CIB2: variants seen among roughly 807,000 people sequenced by gnomAD.
CIB2 encodes calcium and integrin binding family member 2.
CIB2 carries 19 observed loss-of-function variants against 23.1 expected under a neutral mutation model. The ratio of observed to expected loss-of-function variants is 0.82; its 90% CI spans 0.57 to 1.21. The LOEUF (loss-of-function observed/expected upper bound fraction) is 1.21. CIB2 is among the 50% of genes most tolerant of loss of function. The pLI, the probability that CIB2 is intolerant of heterozygous loss-of-function variation, is 0.00. For missense variants in CIB2, 220 were observed against 241.5 expected, an observed-to-expected ratio of 0.91 and a Z score of 0.59; for synonymous variants, 94 against 91.7, an observed-to-expected ratio of 1.03 and a Z score of -0.14.
rs2074052701 is a variant in CIB2 at position 78,105,484 on chromosome 15, G to A, written c.543-152C>T. 3 of 1,516,074 alleles carry A rather than the reference G, an allele frequency of 2.0e-6. No homozygotes were observed. The South Asian group carries it at 3.8e-5, about 19-fold the overall frequency. 93.9% of individuals were successfully genotyped at this position (1,516,074 alleles called of 1,614,324 possible). A position where few individuals can be genotyped will look rare whatever the true frequency, so the allele number is the denominator to read the frequency against. On this transcript the variant is annotated intron_variant, in intron 5 of 5. Transcript: ENST00000258930. ...GTGGATGCAGGTAATCAACACTGGG[G>A]GAAGACGGAGGAACAGCGGTGCCCA...
In CIB2 at chr15:78,105,340, G is replaced by A. The variant is rs762872854; in HGVS notation, c.543-8C>T. 1.2e-5 allele frequency: 20 copies of A among 1,613,862 alleles called. No individual in the cohort carries two copies. The highest frequency in any genetic ancestry group is 1.7e-5 in the Non-Finnish European group (20 of 1,179,932). Reference sequence around the variant, plus strand: ...ATCCGGATGTGGAAAGTGCTAGAAAGAGAGAAAGGGCAAGAGAGGGTGAGA... The same window carrying A: ...ATCCGGATGTGGAAAGTGCTAGAAAAAGAGAAAGGGCAAGAGAGGGTGAGA... On this transcript the variant is annotated splice_region_variant and splice_polypyrimidine_tract_variant and intron_variant, in intron 5 of 5. Transcript: ENST00000258930.
chr15:78,130,600 AGGCTGCTACCG>A (rs2141924832), intron 1 of CIB2, among the ~76,000 whole-genome samples: 1 of 152,224 alleles, frequency 6.6e-6, no homozygotes, highest in South Asian at 2.1e-4. Context: ...TGGCCCTGGA[AGGCTGCTACCG>A]GGCTTGCGTT....
intron 2 of CIB2, among the ~76,000 whole-genome samples, chr15:78,123,243 G>A (rs1459557416): frequency 6.6e-6 from 1 of 152,106 alleles, no homozygotes; most frequent in Non-Finnish European, 1.5e-5. Context: ...GAGCCAAAGG[G>A]CCCTTAGGGA....
At chr15:78,120,592 AGGGT>A in intron 2 of CIB2, 2 of 982,740 alleles carry the variant, frequency 2.0e-6, no homozygotes, top group Non-Finnish European at 2.4e-6. Flanking sequence ...GTGACTGAAT[AGGGT>A]GGGCTGCCCA....
intron 2 of CIB2, chr15:78,120,693 T>C (rs1401242684): frequency 5.1e-6 from 5 of 985,286 alleles, no homozygotes; most frequent in Non-Finnish European, 6.0e-6. Flanking sequence ...GGAAGGAGAA[T>C]TGGAGGCGGG....
chr15:78,111,583 T>C (rs1304210098), intron 2 of CIB2, among the ~76,000 whole-genome samples: 1 of 152,184 alleles, frequency 6.6e-6, no homozygotes, highest in Non-Finnish European at 1.5e-5. Flanking sequence ...TTTTCTCCTT[T>C]GGGCTCTCAT....
At position 78,110,104 on chromosome 15, in the gene CIB2, G is replaced by A. The variant is rs150638886; in HGVS notation, c.199-722C>T. Among the ~76,000 whole-genome samples, 404 of 152,360 alleles carry A rather than the reference G, an allele frequency of 2.7e-3. 1 individual carries two copies. Among genetic ancestry groups the A allele is most frequent in the Middle Eastern group, 6.8e-3 (2 of 294 alleles). On this transcript the variant is annotated intron_variant, in intron 3 of 5. Coordinates refer to ENST00000258930, the MANE Select transcript of CIB2 (RefSeq NM_006383.4). ...CAGCCAGTTCAGGCCCAGGTCTGCT[G>A]TCACTCTGCTCCTGTGAATTCTCCC...
At chr15:78,108,331 T>A (rs11072728) in intron 4 of CIB2, among the ~76,000 whole-genome samples, 31,959 of 152,128 alleles carry the variant, frequency 0.21, 3,866 homozygotes, top group Middle Eastern at 0.28. Flanking sequence ...CCTTGACTCT[T>A]CAGGTCCAAG....
chr15:78,119,979 C>T (rs894810904), intron 2 of CIB2, among the ~76,000 whole-genome samples: 7 of 151,746 alleles, frequency 4.6e-5, no homozygotes, highest in Admixed American at 2.0e-4. Context: ...CAACTCACTG[C>T]GGTCTCAACC....
intron 2 of CIB2, among the ~76,000 whole-genome samples, chr15:78,122,662 G>A (rs887413921): frequency 6.6e-5 from 10 of 152,244 alleles, no homozygotes; most frequent in African/African-American, 2.4e-4. Context: ...GAAGAAAACT[G>A]AGGCTCAGGG....
intron 1 of CIB2, among the ~76,000 whole-genome samples, chr15:78,124,833 A>G (rs1341304922): frequency 2.6e-5 from 4 of 152,246 alleles, no homozygotes; most frequent in Non-Finnish European, 4.4e-5. Flanking sequence ...CCTGAATGAG[A>G]CCTGAAGCCG....
chr15:78,109,083 G>A, intron 4 of CIB2, 152 bp downstream of exon 4: 2 of 855,498 alleles, frequency 2.3e-6, no homozygotes, highest in Non-Finnish European at 3.6e-6. Flanking sequence ...CGTCTCCCTT[G>A]GCCACCCCAC....
chr15:78,125,750 G>C (rs2074373121), intron 1 of CIB2, among the ~76,000 whole-genome samples: 1 of 152,198 alleles, frequency 6.6e-6, no homozygotes, highest in African/African-American at 2.4e-5. Context: ...GTGTGAGGAA[G>C]TCTGCTCTAG....
At chr15:78,130,448 C>T in intron 1 of CIB2, among the ~76,000 whole-genome samples, 1 of 152,194 alleles carries the variant, frequency 6.6e-6, no homozygotes, top group East Asian at 1.9e-4. Flanking sequence ...AGGGGTTGGG[C>T]TTCATCCTGC....
At chr15:78,123,667 T>G in intron 2 of CIB2, 38 bp downstream of exon 2, 1 of 1,612,668 alleles carries the variant, frequency 6.2e-7, no homozygotes, top group Non-Finnish European at 8.5e-7. Context: ...CCGGCCCCAG[T>G]CCCAGTCCCA....
At chr15:78,119,595 C>T (rs570697449) in intron 2 of CIB2, among the ~76,000 whole-genome samples, 1 of 151,422 alleles carries the variant, frequency 6.6e-6, no homozygotes, top group East Asian at 1.9e-4. Flanking sequence ...GAGATGGAGT[C>T]TCGCTTTGTA....
chr15:78,105,171 TGCTGAAAGGGC>T lies in CIB2; in HGVS notation c.*129_*139del. The T allele has an allele frequency of 8.4e-7, 1 of 1,183,960 alleles. No individual in the cohort carries two copies. The highest frequency in any genetic ancestry group is 1.2e-6 in the Non-Finnish European group (1 of 836,522). 73.3% of individuals were successfully genotyped at this position (1,183,960 alleles called of 1,614,324 possible). A position where few individuals can be genotyped will look rare whatever the true frequency, so the allele number is the denominator to read the frequency against. ...CCCTTCCTGGTTAAGGTTTTTTTTT[TGCTGAAAGGGC>T]CACAGGATATATTTGTGGTGTAAAC... is the stretch of plus-strand genomic sequence containing the variant. On this transcript the variant is annotated 3_prime_UTR_variant, in exon 6 of 6. Transcript: ENST00000258930.
chr15:78,111,496 C>G (rs967755785), intron 2 of CIB2, among the ~76,000 whole-genome samples: 1 of 152,090 alleles, frequency 6.6e-6, no homozygotes, highest in Admixed American at 6.5e-5. Flanking sequence ...TGTGTCCAGG[C>G]CTCCCTATTT....
In CIB2 at chr15:78,109,215, CCT is replaced by C; in HGVS notation, c.346+18_346+19del. 1.6e-6 allele frequency: 2 copies of C among 1,281,490 alleles called. No individual in the cohort carries two copies. The highest frequency in any genetic ancestry group is 2.2e-6 in the Non-Finnish European group (2 of 922,072). 79.4% of individuals were successfully genotyped at this position (1,281,490 alleles called of 1,614,324 possible). A position where few individuals can be genotyped will look rare whatever the true frequency, so the allele number is the denominator to read the frequency against. On this transcript the variant is annotated intron_variant, in intron 4 of 5. Coordinates refer to ENST00000258930, the MANE Select transcript of CIB2 (RefSeq NM_006383.4). ...GTTCCCCCACCGCATATTCAGGCCC[CCT>C]CCTCTAGCCCTGGTTACCATAGATC... is the stretch of plus-strand genomic sequence containing the variant.
Sources: allele counts gnomAD v4.1 joint callset (sites outside exome capture counted in the v4.1 genomes callset), GRCh38; gene constraint gnomAD v4.1.1; transcripts MANE v1.5; gene names NCBI Gene and HGNC (gene_info 2026-07-23, HGNC 2026-07-21).